The following UBR3 variants were observed in gnomAD, a reference collection of about 807,000 sequenced individuals.
UBR3 encodes the protein ubiquitin protein ligase E3 component n-recognin 3.
In UBR3, 85 loss-of-function variants were observed where a neutral mutation model predicts 243.2. The ratio of observed to expected loss-of-function variants is 0.35; its 90% CI spans 0.29 to 0.42. The LOEUF (loss-of-function observed/expected upper bound fraction) is 0.42, where lower values mean the gene tolerates loss of function less well. UBR3 is among the 10% of genes least tolerant of loss of function. The pLI is 1.00. For synonymous variants in UBR3, 748 were observed against 799.8 expected (o/e 0.94, Z 1.09); for missense variants, 1,686 against 2,300.8 (o/e 0.73, Z 5.47).
In UBR3 at chr2:170,055,574, C is replaced by G. The variant is rs1438309953; in HGVS notation, c.4775C>G (p.Ala1592Gly). ...AGGTCAGCCTGGAAACACGCGGGAG[C>G]TCTCAAAAAGGTTAGGCTCTTTCTA... is the stretch of plus-strand genomic sequence containing the variant. The part of the protein sequence containing the change: ...EDRSAWKHAG[A>G]LKKSTCDAEK... Residue 1592 changes from alanine to glycine, a missense_variant, in exon 33 of 39, where the codon GCT (alanine) becomes GGT (glycine). By Grantham distance (60) the Ala-to-Gly change is moderately conservative. Transcript: ENST00000272793. The G allele has an allele frequency of 3.7e-6, 6 of 1,612,972 alleles. No homozygotes were observed. The African/African-American group carries it at 8.0e-5, about 22-fold the overall frequency.
Position 169,871,840 on chromosome 2 carries a change from TATTC to T in UBR3, c.546-392_546-389del, listed in dbSNP as rs570408452. ...ACTTCAAGGTTTTGTATCACTTACC[TATTC>T]ATTAATGCAATAAGTTAGAAATAGG... On this transcript the variant is annotated intron_variant, in intron 1 of 38. Coordinates refer to ENST00000272793, the MANE Select transcript of UBR3 (RefSeq NM_172070.4). 5.3e-3 allele frequency among the ~76,000 whole-genome samples: 807 copies of T among 152,222 alleles called. 1 individual carries two copies. The highest frequency in any genetic ancestry group is 8.4e-3 in the Non-Finnish European group (573 of 68,012).
intron 1 of UBR3, among the ~76,000 whole-genome samples, chr2:169,836,231 C>A (rs1574006247): frequency 6.6e-6 from 1 of 150,484 alleles, no homozygotes; most frequent in Non-Finnish European, 1.5e-5. Flanking sequence ...TTACAGGCGG[C>A]CGCCACCATG....
intron 1 of UBR3, among the ~76,000 whole-genome samples, chr2:169,842,621 C>T (rs543189843): frequency 1.1e-4 from 16 of 152,114 alleles, no homozygotes; most frequent in South Asian, 2.1e-4. Flanking sequence ...CCAGGAGGAA[C>T]GAACAACTCC....
In UBR3 at chr2:169,877,633, T is replaced by A. The variant is rs2083665653; in HGVS notation, c.984T>A (p.Val328=). The A allele has an allele frequency of 6.5e-7, 1 of 1,538,292 alleles. No homozygotes were observed. The highest frequency in any genetic ancestry group is 1.4e-5 in the African/African-American group (1 of 72,316). The change falls in exon 4 of 39, where the codon GTT becomes GTA. Residue 328 remains valine, a synonymous_variant. Coordinates refer to ENST00000272793, the MANE Select transcript of UBR3 (RefSeq NM_172070.4). ...CTGCTGGTACTAGTTCTCTGGCTGT[T>A]CAAGGTTTGTCTAAATATTTAATTT... ...EPSAGTSSLA[V]QGFIGATGTL... is the part of the protein sequence containing the mutation.
intron 6 of UBR3, among the ~76,000 whole-genome samples, chr2:169,892,987 C>T (rs140014235): frequency 1.3e-5 from 2 of 152,186 alleles, no homozygotes; most frequent in African/African-American, 4.8e-5. Flanking sequence ...CTTTAAAAAT[C>T]TCTTTTTACA....
At chr2:169,906,981 C>G (rs1461902689) in intron 10 of UBR3, among the ~76,000 whole-genome samples, 1 of 148,994 alleles carries the variant, frequency 6.7e-6, no homozygotes, top group African/African-American at 2.5e-5. Context: ...CAGCCATTCT[C>G]TAAATGCAGA....
chr2:169,889,757 G>A (rs2084253874), intron 5 of UBR3, among the ~76,000 whole-genome samples: 1 of 152,142 alleles, frequency 6.6e-6, no homozygotes, highest in Admixed American at 6.5e-5. Context: ...CCAGAAAATG[G>A]CCCTGAGGAT....
chr2:170,009,528 A>G (rs193265204), intron 29 of UBR3, among the ~76,000 whole-genome samples: 31 of 152,242 alleles, frequency 2.0e-4, no homozygotes, highest in Admixed American at 1.8e-3. Context: ...GTCTAATTGT[A>G]TGCAATACAG....
At chr2:170,067,646 AGT>A (rs1239839362) in intron 35 of UBR3, among the ~76,000 whole-genome samples, 13 of 152,326 alleles carry the variant, frequency 8.5e-5, no homozygotes, top group Non-Finnish European at 8.8e-5. Context: ...TGAGTTATAA[AGT>A]GTGTTTTTTG....
At chr2:169,844,787 C>T (rs149097426) in intron 1 of UBR3, among the ~76,000 whole-genome samples, 19 of 152,242 alleles carry the variant, frequency 1.2e-4, no homozygotes, top group African/African-American at 4.6e-4. Flanking sequence ...GGAGCCATCG[C>T]GCCTGGCTGG....
intron 5 of UBR3, among the ~76,000 whole-genome samples, chr2:169,888,467 T>C (rs369352920): frequency 4.5e-4 from 68 of 152,288 alleles, no homozygotes; most frequent in African/African-American, 1.6e-3. Context: ...ATGTCTGACA[T>C]TCTAACAGAT....
intron 1 of UBR3, among the ~76,000 whole-genome samples, chr2:169,832,664 G>A (rs532133097): frequency 3.0e-4 from 45 of 152,096 alleles, no homozygotes; most frequent in Non-Finnish European, 5.7e-4. Context: ...GCCGGGCGTG[G>A]TGGCTCACAC....
intron 6 of UBR3, among the ~76,000 whole-genome samples, chr2:169,893,681 C>T (rs1224455518): frequency 2.0e-5 from 3 of 152,200 alleles, no homozygotes; most frequent in Non-Finnish European, 4.4e-5. Context: ...CCTGTCTCAA[C>T]CTGCCGAGTA....
chr2:169,900,308 C>CT (rs1473007326), intron 8 of UBR3, among the ~76,000 whole-genome samples: 1 of 152,206 alleles, frequency 6.6e-6, no homozygotes, highest in Non-Finnish European at 1.5e-5. Flanking sequence ...TGAGAAGTGT[C>CT]TGTTCATGTC....
At chr2:169,904,798 T>G (rs2084955239) in intron 8 of UBR3, among the ~76,000 whole-genome samples, 1 of 152,174 alleles carries the variant, frequency 6.6e-6, no homozygotes, top group Non-Finnish European at 1.5e-5. Flanking sequence ...AAATAAGGTT[T>G]TATAAACATA....
At chr2:169,909,059 G>A (rs1574176216) in intron 10 of UBR3, among the ~76,000 whole-genome samples, 2 of 152,020 alleles carry the variant, frequency 1.3e-5, no homozygotes, top group Non-Finnish European at 2.9e-5. Flanking sequence ...TCCTGACCTC[G>A]TGATCCGCCT....
At chr2:169,915,680 T>C (rs1418419313) in intron 11 of UBR3, among the ~76,000 whole-genome samples, 1 of 152,256 alleles carries the variant, frequency 6.6e-6, no homozygotes, top group African/African-American at 2.4e-5. Context: ...TTGTGTTCTT[T>C]ACTAATGATG....
At chr2:169,997,577 C>G (rs1185959546) in intron 26 of UBR3, among the ~76,000 whole-genome samples, 2 of 152,046 alleles carry the variant, frequency 1.3e-5, no homozygotes, top group Non-Finnish European at 2.9e-5. Flanking sequence ...ACCCACAGCT[C>G]TGTGAGCCGG....
At chr2:170,073,723 A>G in intron 36 of UBR3, 116 bp downstream of exon 36, 1 of 1,090,976 alleles carries the variant, frequency 9.2e-7, no homozygotes, top group Non-Finnish European at 1.3e-6. Flanking sequence ...ATAAAACTTG[A>G]TTAAATTGAA....
Sources: allele counts gnomAD v4.1 joint callset (sites outside exome capture counted in the v4.1 genomes callset), GRCh38; gene constraint gnomAD v4.1.1; transcripts MANE v1.5; gene names NCBI Gene and HGNC (gene_info 2026-07-23, HGNC 2026-07-21).